The following ACTL6A variants were observed in gnomAD, a reference collection of about 807,000 sequenced individuals.
ACTL6A encodes the protein actin-like protein 6A.
In ACTL6A, 5 loss-of-function variants were observed where a neutral mutation model predicts 59.2. That is an observed-to-expected ratio of 0.08 (90% confidence interval 0.04 to 0.18). The LOEUF is 0.18. ACTL6A is among the 10% of genes least tolerant of loss of function. The pLI, the probability that ACTL6A is intolerant of heterozygous loss-of-function variation, is 1.00. For synonymous variants in ACTL6A, 154 were observed against 171.8 expected, an observed-to-expected ratio of 0.90 and a Z score of 0.81; for missense variants, 285 against 526.9, an observed-to-expected ratio of 0.54 and a Z score of 4.49.
At chr3:179,565,664 G>A (rs1004336959) in intron 1 of ACTL6A, among the ~76,000 whole-genome samples, 9 of 151,812 alleles carry the variant, frequency 5.9e-5, no homozygotes, top group African/African-American at 1.5e-4. Context: ...TATGTGGTGC[G>A]TTCAGGAGAT....
At chr3:179,587,171 A>G (rs1718522125) in intron 13 of ACTL6A, among the ~76,000 whole-genome samples, 1 of 152,064 alleles carries the variant, frequency 6.6e-6, no homozygotes, top group Non-Finnish European at 1.5e-5. Context: ...TTATATACTT[A>G]TATCTATACT....
intron 1 of ACTL6A, among the ~76,000 whole-genome samples, chr3:179,565,483 A>G (rs1717807656): frequency 6.7e-6 from 1 of 149,186 alleles, no homozygotes; most frequent in Non-Finnish European, 1.5e-5. Flanking sequence ...TATATTATAT[A>G]TTATATGTTA....
chr3:179,563,158 C>G, intron 1 of ACTL6A, 41 bp downstream of exon 1: 1 of 1,593,954 alleles, frequency 6.3e-7, no homozygotes, highest in Non-Finnish European at 8.6e-7. Flanking sequence ...GCCTTTTCGG[C>G]GTGTGGGGTT....
In ACTL6A at chr3:179,587,917, T is replaced by C; in HGVS notation, c.1210-13T>C. 1 of 1,584,360 alleles carries C rather than the reference T, an allele frequency of 6.3e-7. No individual in the cohort carries two copies. The highest frequency in any genetic ancestry group is 8.5e-7 in the Non-Finnish European group (1 of 1,171,800). On this transcript the variant is annotated splice_polypyrimidine_tract_variant and intron_variant, in intron 13 of 13. Transcript: ENST00000429709. ...GTAAGGCATAATTATATAAATTTCT[T>C]TCCATTTTACAGGGTACCTTTCAAC...
chr3:179,586,627 T>A lies in ACTL6A; in HGVS notation c.1204T>A (p.Ser402Thr), dbSNP rs776764775. 1 of 1,597,606 alleles carries A rather than the reference T, an allele frequency of 6.3e-7. No individual in the cohort carries two copies. Among genetic ancestry groups the A allele is most frequent in the Non-Finnish European group, 8.5e-7 (1 of 1,175,300 alleles). Residue 402 changes from serine to threonine, a missense_variant, in exon 13 of 14, where the codon TCT (serine) becomes ACT (threonine). Physicochemically the swap from Ser to Thr is moderately conservative, Grantham distance 58. Coordinates refer to ENST00000429709, the MANE Select transcript of ACTL6A (RefSeq NM_004301.5). The stretch of plus-strand genomic sequence containing the variant: ...ATGGATTGGCGGCTCCATTCTAGCC[T>A]CTTTGGTTAGTAGATGAGCTACTTT... ...SSWIGGSILA[S>T]LGTFQQMWIS...
At chr3:179,587,795 T>C in intron 13 of ACTL6A, 135 bp from the exon 14 acceptor site, 2 of 623,054 alleles carry the variant, frequency 3.2e-6, no homozygotes, top group South Asian at 2.1e-5. Flanking sequence ...AAGTTCGAGG[T>C]TGTAAGCTAC....
chr3:179,581,793 G>A (rs1428663021), intron 11 of ACTL6A, among the ~76,000 whole-genome samples: 1 of 152,152 alleles, frequency 6.6e-6, no homozygotes, highest in Non-Finnish European at 1.5e-5. Flanking sequence ...CTCATTATCA[G>A]TGATAGGTTC....
chr3:179,574,638 A>G, intron 5 of ACTL6A, 171 bp downstream of exon 5: 3 of 589,792 alleles, frequency 5.1e-6, no homozygotes, highest in Non-Finnish European at 9.2e-6. Context: ...AGAACTGATG[A>G]TACACCAGAA....
intron 8 of ACTL6A, among the ~76,000 whole-genome samples, chr3:179,579,175 T>C (rs1718258571): frequency 6.6e-6 from 1 of 152,200 alleles, no homozygotes; most frequent in African/African-American, 2.4e-5. Context: ...GTTGGCCGCA[T>C]GTATGTTTTC....
chr3:179,568,041 G>A (rs1717889955), intron 1 of ACTL6A, among the ~76,000 whole-genome samples: 2 of 151,784 alleles, frequency 1.3e-5, no homozygotes, highest in East Asian at 1.9e-4. Context: ...GCATGGTGGT[G>A]CGCGTCTGTA....
At position 179,576,653 on chromosome 3, in the gene ACTL6A, T is replaced by C; in HGVS notation, c.605T>C (p.Ile202Thr). Reference sequence around the variant, plus strand: ...AAATCCCCTCTTGCTGGAGACTTTATTACTATGCAGTGCAGAGAACTCTTC... The same window carrying C: ...AAATCCCCTCTTGCTGGAGACTTTACTACTATGCAGTGCAGAGAACTCTTC... ...IVKSPLAGDF[I>T]TMQCRELFQE... Residue 202 changes from isoleucine to threonine, a missense_variant, in exon 7 of 14, where the codon ATT becomes ACT. By Grantham distance (89) the Ile-to-Thr change is moderately conservative (BLOSUM62 -1). Transcript: ENST00000429709. The C allele has an allele frequency of 6.2e-7, 1 of 1,613,902 alleles. No individual in the cohort carries two copies. The highest frequency in any genetic ancestry group is 8.5e-7 in the Non-Finnish European group (1 of 1,179,812).
At chr3:179,571,113 T>TA (rs1717992117) in intron 3 of ACTL6A, among the ~76,000 whole-genome samples, 2 of 152,106 alleles carry the variant, frequency 1.3e-5, no homozygotes, top group South Asian at 2.1e-4. Flanking sequence ...GAGCAAGTGT[T>TA]ACGGTTTTAA....
chr3:179,571,137 C>T (rs900607482), intron 3 of ACTL6A, among the ~76,000 whole-genome samples: 5 of 152,068 alleles, frequency 3.3e-5, no homozygotes, highest in African/African-American at 1.2e-4. Context: ...GCATGGTTGG[C>T]CATGCGTGGT....
chr3:179,584,953 G>A lies in ACTL6A; in HGVS notation c.1122+1505G>A, dbSNP rs1017803488. ...CTTCCCATATAAAATAATGTTTTAC[G>A]TGTGCCACATTTCTATTATTAAAAG... On this transcript the variant is annotated intron_variant, in intron 12 of 13. Transcript: ENST00000429709. Among the ~76,000 whole-genome samples, 12 of 152,108 alleles carry A rather than the reference G, an allele frequency of 7.9e-5. No individual in the cohort carries two copies. The East Asian group carries it at 1.2e-3, about 15-fold the overall frequency.
At chr3:179,581,698 T>G (rs1479878392) in intron 11 of ACTL6A, among the ~76,000 whole-genome samples, 1 of 152,242 alleles carries the variant, frequency 6.6e-6, no homozygotes, top group Non-Finnish European at 1.5e-5. Context: ...TATGAGTAAC[T>G]TTTACATGAA....
rs1718323316 is a variant in ACTL6A at position 179,581,023 on chromosome 3, T to C, written c.945+15T>C. On this transcript the variant is annotated intron_variant, in intron 10 of 13. Transcript: ENST00000429709. The stretch of plus-strand genomic sequence containing the variant: ...CCAATGTAAAGGTATAAAAGCTTAT[T>C]TCATAATTAGCCTGGCTTTTCCTAT... 1 of 1,596,982 alleles carries C rather than the reference T, an allele frequency of 6.3e-7. No individual in the cohort carries two copies. The highest frequency in any genetic ancestry group is 8.5e-7 in the Non-Finnish European group (1 of 1,173,386).
intron 12 of ACTL6A, among the ~76,000 whole-genome samples, chr3:179,584,782 C>T (rs1433416038): frequency 6.6e-6 from 1 of 151,744 alleles, no homozygotes; most frequent in Non-Finnish European, 1.5e-5. Flanking sequence ...AAGACTCTGG[C>T]TCAGGAAAAA....
intron 1 of ACTL6A, among the ~76,000 whole-genome samples, chr3:179,566,980 C>T (rs946082101): frequency 3.3e-5 from 5 of 151,744 alleles, no homozygotes; most frequent in African/African-American, 9.7e-5. Flanking sequence ...TGAGCCACCG[C>T]GCGCCCTGCC....
intron 12 of ACTL6A, among the ~76,000 whole-genome samples, chr3:179,583,956 G>A (rs1718408248): frequency 6.6e-6 from 1 of 152,232 alleles, no homozygotes; most frequent in Admixed American, 6.5e-5. Context: ...AGACAGGTAT[G>A]TTCCAGTAAT....
Sources: allele counts gnomAD v4.1 joint callset (sites outside exome capture counted in the v4.1 genomes callset), GRCh38; gene constraint gnomAD v4.1.1; transcripts MANE v1.5; gene names NCBI Gene and HGNC (gene_info 2026-07-23, HGNC 2026-07-21).